CLEC16A: variants seen among roughly 807,000 people sequenced by gnomAD.
The protein encoded by CLEC16A is protein CLEC16A.
In CLEC16A, 51 loss-of-function variants were observed where a neutral mutation model predicts 109.5. The ratio of observed to expected loss-of-function variants is 0.47; its 90% CI spans 0.37 to 0.59. CLEC16A has a LOEUF of 0.59. CLEC16A is among the 20% of genes least tolerant of loss of function. The pLI is 0.00. For synonymous variants in CLEC16A, 673 were observed against 564.2 expected (o/e 1.19, Z -2.73); for missense variants, 1,339 against 1,394.0 (o/e 0.96, Z 0.63).
At chr16:11,087,593 A>G (rs1366508475) in intron 19 of CLEC16A, among the ~76,000 whole-genome samples, 3 of 152,222 alleles carry the variant, frequency 2.0e-5, no homozygotes, top group Non-Finnish European at 4.4e-5. Flanking sequence ...TTCAAGTAAA[A>G]GTGGGATTCA....
chr16:10,998,535 T>C (rs2044467145), intron 10 of CLEC16A, among the ~76,000 whole-genome samples: 1 of 152,208 alleles, frequency 6.6e-6, no homozygotes, highest in Non-Finnish European at 1.5e-5. Flanking sequence ...CCCAAACGCC[T>C]TGTGATTTCT....
rs1222369284 is a variant in CLEC16A, at chr16:11,137,791, AG to A, written c.2641+11646del. Reference sequence around the variant, plus strand: ...ACCACTGCACTCCAGCCTGGGTAACAGAGCGAGACTCCCTCTCAAAAAAAAG... The same window carrying A: ...ACCACTGCACTCCAGCCTGGGTAACAAGCGAGACTCCCTCTCAAAAAAAAG... On this transcript the variant is annotated intron_variant, in intron 22 of 23. Transcript: ENST00000409790. Among the ~76,000 whole-genome samples the A allele has an allele frequency of 1.3e-5, 2 of 152,112 alleles. 1 individual carries two copies.
Position 11,123,872 on chromosome 16 carries a change from G to A in CLEC16A, c.2399G>A (p.Arg800His), listed in dbSNP as rs754586081. The change falls in exon 21 of 24, where the codon CGC becomes CAC. Residue 800 changes from arginine (R) to histidine (H), a missense_variant. This residue lies in a region of CLEC16A where 1,061 missense variants were observed against 1,006.8 expected (regional missense o/e 1.05). Coordinates refer to ENST00000409790, the MANE Select transcript of CLEC16A (RefSeq NM_015226.3). ...QATFIFSDHIRCIIAKQRLAK... is the reference protein window; with the variant it reads ...QATFIFSDHIHCIIAKQRLAK... Reference sequence around the variant, plus strand: ...ACCTTCATCTTCTCAGACCACATCCGCTGCATCATCGCCAAGCAGCGCCTG... The same window carrying A: ...ACCTTCATCTTCTCAGACCACATCCACTGCATCATCGCCAAGCAGCGCCTG... The A allele has an allele frequency of 3.7e-6, 6 of 1,613,898 alleles. No individual in the cohort carries two copies. The highest frequency in any genetic ancestry group is 4.2e-6 in the Non-Finnish European group (5 of 1,179,884).
intron 22 of CLEC16A, among the ~76,000 whole-genome samples, chr16:11,133,469 T>G (rs570250059): frequency 6.6e-6 from 1 of 152,116 alleles, no homozygotes; most frequent in African/African-American, 2.4e-5. Context: ...CACTTAATAG[T>G]TCCGTGGAAA....
rs756137855 is a variant in CLEC16A at position 11,024,810 on chromosome 16, C to T, written c.1437-11C>T. 9 of 1,583,542 alleles carry T rather than the reference C, an allele frequency of 5.7e-6. No individual in the cohort carries two copies. In the Admixed American group the frequency reaches 1.4e-4, roughly 25 times the overall value. ...ACCGTGAGGCTCATACATGCCCCTCCTCTTTTCCAGACCCTTCCTGGATAT... is the reference window on the plus strand; with the variant it reads ...ACCGTGAGGCTCATACATGCCCCTCTTCTTTTCCAGACCCTTCCTGGATAT... On this transcript the variant is annotated splice_polypyrimidine_tract_variant and intron_variant, in intron 12 of 23. Coordinates refer to ENST00000409790, the MANE Select transcript of CLEC16A (RefSeq NM_015226.3).
At chr16:11,173,468 G>A (rs1286502113) in intron 23 of CLEC16A, among the ~76,000 whole-genome samples, 5 of 140,864 alleles carry the variant, frequency 3.5e-5, no homozygotes, top group South Asian at 4.9e-4. Context: ...CCTGGTCTCC[G>A]CTCTCCTGCT....
In CLEC16A at chr16:11,014,457, G is replaced by C. The variant is rs374867905; in HGVS notation, c.1304-5736G>C. Among the ~76,000 whole-genome samples the C allele has an allele frequency of 2.6e-5, 4 of 152,176 alleles. No individual in the cohort carries two copies. The East Asian group carries it at 7.7e-4, about 29-fold the overall frequency. On this transcript the variant is annotated intron_variant, in intron 11 of 23. Transcript: ENST00000409790. ...TCCAGAGGTGTGTCTTGCGGAGAAA[G>C]ACCTACAAGTGGGCTGCTAGGTTGT...
At chr16:11,136,612 A>G (rs913347442) in intron 22 of CLEC16A, among the ~76,000 whole-genome samples, 8 of 152,248 alleles carry the variant, frequency 5.3e-5, no homozygotes, top group Non-Finnish European at 4.4e-5. Flanking sequence ...GACATGCTGC[A>G]GTGGCACAGA....
chr16:11,138,237 G>A (rs2053660549), intron 22 of CLEC16A, among the ~76,000 whole-genome samples: 1 of 152,250 alleles, frequency 6.6e-6, no homozygotes, highest in South Asian at 2.1e-4. Flanking sequence ...GAAGCCTGGG[G>A]TCAGGGGGAG....
At chr16:11,013,545 A>G (rs1024792524) in intron 11 of CLEC16A, among the ~76,000 whole-genome samples, 11 of 152,190 alleles carry the variant, frequency 7.2e-5, no homozygotes, top group Admixed American at 7.2e-4. Flanking sequence ...CAGGCAGATC[A>G]TTTGAGGTCA....
At chr16:10,989,537 A>C (rs1202497746) in intron 10 of CLEC16A, among the ~76,000 whole-genome samples, 1 of 152,218 alleles carries the variant, frequency 6.6e-6, no homozygotes, top group East Asian at 1.9e-4. Flanking sequence ...ACCCAGCTGG[A>C]AAGTATAAAT....
At chr16:11,168,659 C>G (rs573414854) in intron 23 of CLEC16A, among the ~76,000 whole-genome samples, 1 of 152,358 alleles carries the variant, frequency 6.6e-6, no homozygotes, top group South Asian at 2.1e-4. Context: ...GTCTTGAGGC[C>G]AGACTTCTAG....
At chr16:11,037,845 G>A (rs977955385) in intron 13 of CLEC16A, among the ~76,000 whole-genome samples, 34 of 134,662 alleles carry the variant, frequency 2.5e-4, no homozygotes, top group Non-Finnish European at 7.6e-5. Context: ...AAATTAACGA[G>A]TAGAGAGATG....
At chr16:11,124,026 A>C in intron 21 of CLEC16A, 80 bp downstream of exon 21, 3 of 1,283,666 alleles carry the variant, frequency 2.3e-6, no homozygotes, top group Non-Finnish European at 3.3e-6. Context: ...ACTGACCTTG[A>C]GAACCCCCAT....
chr16:10,973,087 A>G (rs200841942), intron 7 of CLEC16A, 26 bp downstream of exon 7: 8 of 1,584,070 alleles, frequency 5.1e-6, no homozygotes, highest in Non-Finnish European at 6.9e-6. Context: ...AGGGCCACTC[A>G]GTAGATAGAC....
rs201763346 is a variant in CLEC16A, at chr16:11,020,217, G to A, written c.1328G>A (p.Arg443His). 175 of 1,612,966 alleles carry A rather than the reference G, an allele frequency of 1.1e-4. 2 individuals are homozygous for A. Among genetic ancestry groups the A allele is most frequent in the Admixed American group, 1.2e-4 (7 of 59,898 alleles). Reference sequence around the variant, plus strand: ...GAGATCGAGATGGTGATCATGGAGCGTAGCAAGCTCTCAGAGCTGGCCGCC... The same window carrying A: ...GAGATCGAGATGGTGATCATGGAGCATAGCAAGCTCTCAGAGCTGGCCGCC... ...SEEIEMVIME[R>H]SKLSELAAST... The change falls in exon 12 of 24, where the codon CGT becomes CAT. Residue 443 changes from arginine (R) to histidine (H), a missense_variant. By Grantham distance (29) the Arg-to-His change is conservative. This residue lies in a region of CLEC16A where 1,061 missense variants were observed against 1,006.8 expected (regional missense o/e 1.05). Coordinates refer to ENST00000409790, the MANE Select transcript of CLEC16A (RefSeq NM_015226.3).
intron 22 of CLEC16A, among the ~76,000 whole-genome samples, chr16:11,154,623 T>C (rs919058408): frequency 6.6e-6 from 1 of 152,172 alleles, no homozygotes; most frequent in African/African-American, 2.4e-5. Context: ...CTAAAGACAC[T>C]TACGAAAATG....
Position 11,024,642 on chromosome 16 carries a change from C to T in CLEC16A, c.1437-179C>T, listed in dbSNP as rs954647345. The T allele has an allele frequency of 1.6e-5, 9 of 547,800 alleles. No homozygotes were observed. In the East Asian group the frequency reaches 1.9e-4, roughly 11 times the overall value. 33.9% of individuals were successfully genotyped at this position (547,800 alleles called of 1,614,324 possible). A position where few individuals can be genotyped will look rare whatever the true frequency, so the allele number is the denominator to read the frequency against. ...AGGTTCCCCTCTGGATAGCGGCTTC[C>T]GCAGGCAGAGCCTGTCTCTCATTTG... On this transcript the variant is annotated intron_variant, in intron 12 of 23. Transcript: ENST00000409790.
intron 11 of CLEC16A, among the ~76,000 whole-genome samples, chr16:11,008,891 C>G (rs574298419): frequency 6.6e-6 from 1 of 150,872 alleles, no homozygotes; most frequent in East Asian, 1.9e-4. Flanking sequence ...CCCAGCTACT[C>G]GGGAGGCTGA....
Sources: gnomAD v4.1 joint callset for allele counts (sites outside exome capture counted in the v4.1 genomes callset) on GRCh38, gnomAD v4.1.1 for gene constraint, gnomAD v4.1.1 regional missense constraint, MANE v1.5 for transcripts, NCBI Gene and HGNC (gene_info 2026-07-23, HGNC 2026-07-21) for gene names.